The following SARDH variants were observed in gnomAD, a reference collection of about 807,000 sequenced individuals.
The protein encoded by SARDH is sarcosine dehydrogenase, also known as sarcosine dehydrogenase, mitochondrial.
SARDH carries 95 observed loss-of-function variants against 109.1 expected under a neutral mutation model. That is an observed-to-expected ratio of 0.87 (90% CI 0.74 to 1.03). The LOEUF (loss-of-function observed/expected upper bound fraction) is 1.03, where lower values mean the gene tolerates loss of function less well. Among genes scored for constraint, SARDH ranks in the 50% least tolerant of loss-of-function variants. The probability of loss-of-function intolerance (pLI) is 0.00; values close to 1 mark genes in which losing one functional copy is unlikely to be tolerated. For synonymous variants in SARDH, 572 were observed against 534.8 expected, an observed-to-expected ratio of 1.07 and a Z score of -0.96; for missense variants, 1,267 against 1,287.8, an observed-to-expected ratio of 0.98 and a Z score of 0.25.
chr9:133,671,678 G>C lies in SARDH; in HGVS notation c.2183C>G (p.Ser728Cys). ...CTCCCAGCCCAGCTCCCCCACAAAG[G>C]ACAGCCGCATGGCTCGGACCTGGGG... ...AGHLVRAMRL[S>C]FVGELGWELH... Residue 728 changes from serine (S) to cysteine (C), a missense_variant, in exon 18 of 21, where the codon TCC (serine) becomes TGC (cysteine). Ser to Cys is a moderately radical substitution (Grantham distance 112). Coordinates refer to ENST00000439388, the MANE Select transcript of SARDH (RefSeq NM_001134707.2). 4.4e-6 allele frequency: 7 copies of C among 1,581,864 alleles called. No homozygotes were observed. Among genetic ancestry groups the C allele is most frequent in the Non-Finnish European group, 6.0e-6 (7 of 1,164,218 alleles).
intron 6 of SARDH, among the ~76,000 whole-genome samples, chr9:133,723,735 C>A (rs1832401507): frequency 1.3e-5 from 2 of 152,138 alleles, no homozygotes; most frequent in Non-Finnish European, 2.9e-5. Context: ...TGCACTCCAG[C>A]CTGGGCAAAA....
intron 16 of SARDH, among the ~76,000 whole-genome samples, chr9:133,688,167 G>C (rs147725972): frequency 3.8e-4 from 58 of 152,038 alleles, no homozygotes; most frequent in African/African-American, 1.3e-3. Context: ...CCAGAGATGC[G>C]GAGGTTGGGG....
In SARDH at chr9:133,686,592, G is replaced by T. The variant is rs1830894341; in HGVS notation, c.2070-1306C>A. Among the ~76,000 whole-genome samples, 1 of 151,818 alleles carries T rather than the reference G, an allele frequency of 6.6e-6. No individual in the cohort carries two copies. Among genetic ancestry groups the T allele is most frequent in the Non-Finnish European group, 1.5e-5 (1 of 67,966 alleles). On this transcript the variant is annotated intron_variant, in intron 16 of 20. Coordinates refer to ENST00000439388, the MANE Select transcript of SARDH (RefSeq NM_001134707.2). This position sits in a 1 kb window ranked among gnomAD's most constrained non-coding sequence, Gnocchi z 4.0. ...CCTATCCCAATGTGCCTGGCACAGA[G>T]CAGGCTCTCAGTAAATAGAACTGAC...
At chr9:133,724,462 C>G (rs906722633) in intron 6 of SARDH, among the ~76,000 whole-genome samples, 1 of 152,176 alleles carries the variant, frequency 6.6e-6, no homozygotes, top group Non-Finnish European at 1.5e-5. Flanking sequence ...CGGTGAGACA[C>G]CACCTCACAC....
chr9:133,681,654 A>T (rs1031513028), intron 17 of SARDH, among the ~76,000 whole-genome samples: 2 of 152,180 alleles, frequency 1.3e-5, no homozygotes, highest in African/African-American at 4.8e-5. Context: ...AGTGAGGGAG[A>T]GGACGAGAAG....
In SARDH at chr9:133,713,137, G is replaced by A. The variant is rs1282488538; in HGVS notation, c.1151-13C>T. 1.2e-6 allele frequency: 2 copies of A among 1,610,450 alleles called. No homozygotes were observed. The highest frequency in any genetic ancestry group is 2.2e-5 in the South Asian group (2 of 90,608). On this transcript the variant is annotated splice_polypyrimidine_tract_variant and intron_variant, in intron 8 of 20. Transcript: ENST00000439388. Reference sequence around the variant, plus strand: ...GGCGTGAAGGATTCTGAAAGAAGGAGAGAGAGGCCTGGAGTCCCTTTTGCA... The same window carrying A: ...GGCGTGAAGGATTCTGAAAGAAGGAAAGAGAGGCCTGGAGTCCCTTTTGCA...
At chr9:133,696,066 AG>A (rs1344355904) in intron 14 of SARDH, among the ~76,000 whole-genome samples, 156 bp downstream of exon 14, 1 of 36,070 alleles carries the variant, frequency 2.8e-5, no homozygotes, top group Non-Finnish European at 7.1e-5. Context: ...GATGGGGCAA[AG>A]GGGGCCGGAC....
intron 17 of SARDH, among the ~76,000 whole-genome samples, chr9:133,678,045 C>T (rs1375632739): frequency 6.6e-6 from 1 of 152,194 alleles, no homozygotes; most frequent in Non-Finnish European, 1.5e-5. Flanking sequence ...CCTTCCAGGC[C>T]CTGGAGGGAG....
downstream of SARDH, among the ~76,000 whole-genome samples, chr9:133,659,664 C>CACTTAA (rs1304612492): frequency 2.0e-5 from 3 of 152,108 alleles, no homozygotes; most frequent in Non-Finnish European, 4.4e-5. Context: ...TTCTGCAAGG[C>CACTTAA]ACTTCACTTC....
chr9:133,689,086 G>A (rs1194283312), intron 16 of SARDH, among the ~76,000 whole-genome samples: 7 of 152,220 alleles, frequency 4.6e-5, no homozygotes, highest in South Asian at 2.1e-4. Context: ...CAGAGGTCTC[G>A]GCAGAATCCC....
intron 14 of SARDH, among the ~76,000 whole-genome samples, chr9:133,695,340 G>A (rs1831245032): frequency 6.6e-6 from 1 of 152,220 alleles, no homozygotes; most frequent in Non-Finnish European, 1.5e-5. Context: ...CTACTCAGGA[G>A]GCTGAGGCAT....
intron 8 of SARDH, among the ~76,000 whole-genome samples, chr9:133,717,047 G>C (rs917880962): frequency 3.9e-5 from 6 of 152,304 alleles, no homozygotes; most frequent in African/African-American, 1.2e-4. Context: ...AGAAGCCCAG[G>C]TGGGGAAGCC....
intron 1 of SARDH, among the ~76,000 whole-genome samples, chr9:133,737,001 G>A (rs1224886816): frequency 6.6e-6 from 1 of 152,196 alleles, no homozygotes; most frequent in Non-Finnish European, 1.5e-5. Flanking sequence ...CACAGCGGGG[G>A]AGTCTGACAC....
At chr9:133,664,101 G>T in intron 20 of SARDH, 87 bp from the exon 21 acceptor site, 3 of 1,535,708 alleles carry the variant, frequency 2.0e-6, no homozygotes, top group African/African-American at 2.7e-5. Flanking sequence ...AGGGGGTCTT[G>T]GTCTTGCTAC....
Position 133,693,267 on chromosome 9 carries a change from A to T in SARDH, c.1921+991T>A, listed in dbSNP as rs572140685. Among the ~76,000 whole-genome samples the T allele has an allele frequency of 3.3e-5, 5 of 152,188 alleles. No homozygotes were observed. The highest frequency in any genetic ancestry group is 4.8e-5 in the African/African-American group (2 of 41,450). ...TGAGCCTGACACACAGTCGGTGCTC[A>T]ATGACTGCTGCCGAAGGTGCGGGTT... On this transcript the variant is annotated intron_variant, in intron 15 of 20. Transcript: ENST00000439388. The surrounding 1 kb of genome is among the most constrained non-coding windows in gnomAD (Gnocchi z 5.6).
intron 17 of SARDH, among the ~76,000 whole-genome samples, chr9:133,679,800 C>T (rs1347473199): frequency 6.6e-6 from 1 of 152,258 alleles, no homozygotes; most frequent in Non-Finnish European, 1.5e-5. Flanking sequence ...AGCTGGGAAT[C>T]GCGCCCAATT....
chr9:133,724,780 A>G (rs1832434033), intron 6 of SARDH, among the ~76,000 whole-genome samples: 1 of 152,158 alleles, frequency 6.6e-6, no homozygotes, highest in Non-Finnish European at 1.5e-5. Context: ...CCCCAAACCA[A>G]AAATCAAAAT....
chr9:133,695,273 T>C (rs1831242761), intron 14 of SARDH, among the ~76,000 whole-genome samples: 1 of 152,100 alleles, frequency 6.6e-6, no homozygotes, highest in Admixed American at 6.5e-5. Context: ...CGAAACCCCG[T>C]CTCTACTAAA....
At chr9:133,736,626 C>T (rs1192827612) in intron 1 of SARDH, among the ~76,000 whole-genome samples, 1 of 152,198 alleles carries the variant, frequency 6.6e-6, no homozygotes, top group Non-Finnish European at 1.5e-5. Flanking sequence ...GAACTCCTGA[C>T]CTCAGGTGAT....
Sources: allele counts gnomAD v4.1 joint callset (sites outside exome capture counted in the v4.1 genomes callset), GRCh38; gene constraint gnomAD v4.1.1; non-coding constraint Gnocchi (gnomAD v3.1); transcripts MANE v1.5; gene names NCBI Gene and HGNC (gene_info 2026-07-23, HGNC 2026-07-21).